The following RASGRP3 variants were observed in gnomAD, a reference collection of about 807,000 sequenced individuals.
The protein encoded by RASGRP3 is RAS guanyl releasing protein 3.
RASGRP3 carries 54 observed loss-of-function variants against 82.7 expected under a neutral mutation model. The ratio of observed to expected loss-of-function variants is 0.65; its 90% confidence interval spans 0.52 to 0.82. The LOEUF (loss-of-function observed/expected upper bound fraction) is 0.82, where lower values mean the gene tolerates loss of function less well. Ranked by LOEUF, RASGRP3 falls within the 40% of genes least tolerant of loss-of-function variation. RASGRP3 has a pLI of 0.00. For synonymous variants in RASGRP3, 309 were observed against 300.5 expected (o/e 1.03, Z -0.29); for missense variants, 861 against 828.9 (o/e 1.04, Z -0.48).
chr2:33,526,216 G>T (rs954811533), intron 9 of RASGRP3, among the ~76,000 whole-genome samples: 1 of 152,180 alleles, frequency 6.6e-6, no homozygotes, highest in Admixed American at 6.5e-5. Flanking sequence ...CAATTACTCT[G>T]ATGATAAATC....
intron 1 of RASGRP3, among the ~76,000 whole-genome samples, chr2:33,504,776 A>G (rs1001029118): frequency 2.0e-5 from 3 of 152,086 alleles, no homozygotes; most frequent in Non-Finnish European, 4.4e-5. Flanking sequence ...TCTTTTGTGT[A>G]GATTCTGTCC....
At chr2:33,454,429 G>C (rs1665941609) in intron 2 of RASGRP3, among the ~76,000 whole-genome samples, 1 of 152,166 alleles carries the variant, frequency 6.6e-6, no homozygotes, top group Non-Finnish European at 1.5e-5. Context: ...CAAGGTAGAG[G>C]GTCTGGGGTA....
chr2:33,540,411 G>T (rs927817844), intron 12 of RASGRP3, among the ~76,000 whole-genome samples: 1 of 146,126 alleles, frequency 6.8e-6, no homozygotes, highest in Non-Finnish European at 1.5e-5. Context: ...CCCAGGGAAT[G>T]CAAGGACTGA....
chr2:33,538,692 T>G (rs775402497), intron 11 of RASGRP3, among the ~76,000 whole-genome samples: 1 of 152,142 alleles, frequency 6.6e-6, no homozygotes, highest in Admixed American at 6.5e-5. Context: ...TATACAAAAC[T>G]TATTCATTCT....
At chr2:33,448,969 G>C (rs1246262589) in intron 2 of RASGRP3, among the ~76,000 whole-genome samples, 1 of 152,210 alleles carries the variant, frequency 6.6e-6, no homozygotes, top group Non-Finnish European at 1.5e-5. Flanking sequence ...AAATGTTTAA[G>C]TAATATTTTG....
chr2:33,456,268 A>G (rs913583480), intron 2 of RASGRP3, among the ~76,000 whole-genome samples: 6 of 152,224 alleles, frequency 3.9e-5, no homozygotes, highest in African/African-American at 1.2e-4. Flanking sequence ...TTATTTAATG[A>G]TAGTCTTTAC....
intron 1 of RASGRP3, among the ~76,000 whole-genome samples, chr2:33,487,672 G>A (rs538528009): frequency 2.0e-5 from 3 of 152,322 alleles, no homozygotes; most frequent in Admixed American, 6.5e-5. Flanking sequence ...CTACTTGGAA[G>A]GCTGAGGCAG....
intron 1 of RASGRP3, among the ~76,000 whole-genome samples, chr2:33,446,278 T>C (rs1033622694): frequency 2.6e-5 from 4 of 152,124 alleles, no homozygotes; most frequent in African/African-American, 9.7e-5. Flanking sequence ...TGCCTCAACC[T>C]CCCTAGTAGC....
intron 12 of RASGRP3, among the ~76,000 whole-genome samples, chr2:33,541,602 G>C (rs1674285487): frequency 6.8e-6 from 1 of 147,118 alleles, no homozygotes; most frequent in African/African-American, 2.4e-5. Flanking sequence ...GTGAAAAAAA[G>C]CTTCATTAAT....
intron 1 of RASGRP3, among the ~76,000 whole-genome samples, chr2:33,438,528 C>T (rs911041776): frequency 3.3e-5 from 5 of 150,344 alleles, no homozygotes; most frequent in Non-Finnish European, 5.9e-5. Context: ...CGCCACTGCC[C>T]TCCAGCCTGG....
At chr2:33,514,505 C>CAAAAAAAA (rs3083005) in intron 2 of RASGRP3, among the ~76,000 whole-genome samples, 27 of 60,630 alleles carry the variant, frequency 4.5e-4, no homozygotes, top group Admixed American at 2.2e-3. Flanking sequence ...CCCATCTCTA[C>CAAAAAAAA]AAAAAAAAAA....
At chr2:33,470,224 A>G (rs1666974617) in intron 2 of RASGRP3, among the ~76,000 whole-genome samples, 1 of 152,164 alleles carries the variant, frequency 6.6e-6, no homozygotes, top group Non-Finnish European at 1.5e-5. Context: ...TACAATGTTA[A>G]GTTTTCCAGT....
intron 2 of RASGRP3, among the ~76,000 whole-genome samples, chr2:33,467,572 G>A (rs1666774179): frequency 6.6e-6 from 1 of 152,212 alleles, no homozygotes; most frequent in Non-Finnish European, 1.5e-5. Flanking sequence ...CTCCTAAAAG[G>A]AAAGGAAGGC....
intron 1 of RASGRP3, among the ~76,000 whole-genome samples, chr2:33,509,553 C>A (rs371573211): frequency 6.6e-6 from 1 of 152,222 alleles, no homozygotes; most frequent in Non-Finnish European, 1.5e-5. Context: ...TGCCATAACA[C>A]TTTAGTCATT....
At chr2:33,437,494 A>G (rs755170302) in intron 1 of RASGRP3, among the ~76,000 whole-genome samples, 3 of 152,260 alleles carry the variant, frequency 2.0e-5, no homozygotes, top group Non-Finnish European at 2.9e-5. Context: ...TAACAGAGGA[A>G]TACGGTTCTG....
At chr2:33,444,621 C>T (rs958424827) in intron 1 of RASGRP3, among the ~76,000 whole-genome samples, 2 of 152,194 alleles carry the variant, frequency 1.3e-5, no homozygotes, top group Non-Finnish European at 2.9e-5. Flanking sequence ...TCTGTACTCA[C>T]AGTCATCTCC....
At chr2:33,443,276 T>C (rs889868921) in intron 1 of RASGRP3, among the ~76,000 whole-genome samples, 2 of 152,212 alleles carry the variant, frequency 1.3e-5, no homozygotes, top group Non-Finnish European at 2.9e-5. Flanking sequence ...ATTCAATATC[T>C]AGTTTCCATG....
intron 2 of RASGRP3, among the ~76,000 whole-genome samples, chr2:33,464,966 G>C (rs1666606190): frequency 6.6e-6 from 1 of 152,206 alleles, no homozygotes. Flanking sequence ...AATTAGGCCA[G>C]TTAATAATCT....
At chr2:33,480,344 G>A (rs1441531105) in intron 1 of RASGRP3, among the ~76,000 whole-genome samples, 3 of 152,070 alleles carry the variant, frequency 2.0e-5, no homozygotes, top group Admixed American at 6.5e-5. Flanking sequence ...CGCCCAGCCC[G>A]CATGAAAGAA....
Sources: allele counts gnomAD v4.1 joint callset (sites outside exome capture counted in the v4.1 genomes callset), GRCh38; gene constraint gnomAD v4.1.1; transcripts MANE v1.5; gene names NCBI Gene and HGNC (gene_info 2026-07-23, HGNC 2026-07-21).